Variants in SDK1 observed in about 807,000 individuals in gnomAD.
SDK1 encodes the protein protein sidekick-1.
In SDK1, 157 loss-of-function variants were observed where a neutral mutation model predicts 245.5. The ratio of observed to expected loss-of-function variants is 0.64; its 90% CI spans 0.56 to 0.73. The LOEUF (loss-of-function observed/expected upper bound fraction) is 0.73, where lower values mean the gene tolerates loss of function less well. Ranked by LOEUF, SDK1 falls within the 30% of genes least tolerant of loss-of-function variation. The probability of loss-of-function intolerance (pLI) is 0.00; values close to 1 mark genes in which losing one functional copy is unlikely to be tolerated. For missense variants in SDK1, 3,583 were observed against 3,002.3 expected (o/e 1.19, Z -4.52); for synonymous variants, 1,647 against 1,278.5 (o/e 1.29, Z -6.15).
chr7:3,663,997 C>T (rs566062398), intron 4 of SDK1, among the ~76,000 whole-genome samples: 13 of 152,196 alleles, frequency 8.5e-5, no homozygotes, highest in South Asian at 4.2e-4. Flanking sequence ...AAGATATTTC[C>T]GGGCCCCTAA....
intron 17 of SDK1, among the ~76,000 whole-genome samples, chr7:4,040,937 A>G (rs1788585285): frequency 6.6e-6 from 1 of 152,120 alleles, no homozygotes; most frequent in Non-Finnish European, 1.5e-5. Context: ...TTGCTTATCT[A>G]TGTCTGCAGC....
chr7:3,563,341 A>T (rs928666405), intron 1 of SDK1, among the ~76,000 whole-genome samples: 1 of 152,206 alleles, frequency 6.6e-6, no homozygotes, highest in Admixed American at 6.5e-5. Flanking sequence ...GGGGCGGAAA[A>T]ACAAGATACA....
chr7:3,702,555 C>A (rs1053976568), intron 4 of SDK1, among the ~76,000 whole-genome samples: 2 of 152,212 alleles, frequency 1.3e-5, no homozygotes, highest in African/African-American at 4.8e-5. Context: ...CAAACTGCTT[C>A]ATTCATACCT....
At chr7:3,347,968 T>A (rs937136978) in intron 1 of SDK1, among the ~76,000 whole-genome samples, 1 of 152,106 alleles carries the variant, frequency 6.6e-6, no homozygotes, top group African/African-American at 2.4e-5. Flanking sequence ...GTATTTTGCT[T>A]CCTAAGTACT....
chr7:3,818,930 G>A lies in SDK1; in HGVS notation c.714-2520G>A, dbSNP rs900575346. ...CTTGTGTTGCATGGCTGGATTGCAG[G>A]GGGAAGGCATGGTTGCCACGACAAA... On this transcript the variant is annotated intron_variant, in intron 4 of 44. Transcript: ENST00000404826. 3.9e-5 allele frequency among the ~76,000 whole-genome samples: 6 copies of A among 152,164 alleles called. No homozygotes were observed. In the South Asian group the frequency reaches 6.2e-4, roughly 16 times the overall value.
rs187071223 is a variant in SDK1, at chr7:3,503,677, C to G, written c.299-115403C>G. On this transcript the variant is annotated intron_variant, in intron 1 of 44. Coordinates refer to ENST00000404826, the MANE Select transcript of SDK1 (RefSeq NM_152744.4). The stretch of plus-strand genomic sequence containing the variant: ...GGGTGATAGAGCCAGACCTTCATAT[C>G]TTAAAAAAACAAAACAAAATGCATT... Among the ~76,000 whole-genome samples the G allele has an allele frequency of 2.0e-5, 3 of 150,436 alleles. No individual in the cohort carries two copies. In the South Asian group the frequency reaches 6.3e-4, roughly 32 times the overall value.
intron 1 of SDK1, among the ~76,000 whole-genome samples, chr7:3,537,483 C>T (rs574430306): frequency 6.6e-6 from 1 of 152,194 alleles, no homozygotes; most frequent in East Asian, 1.9e-4. Flanking sequence ...GACTGTAAAT[C>T]ACTTTGTCAC....
Position 3,950,917 on chromosome 7 carries a change from C to T in SDK1, c.848-6C>T. The T allele has an allele frequency of 6.2e-7, 1 of 1,608,940 alleles. No individual in the cohort carries two copies. The highest frequency in any genetic ancestry group is 1.1e-5 in the South Asian group (1 of 90,968). ...TTCATGGACATTTCTCTTTTCTCTG[C>T]CACAGGAGATGTTGGCACACCTGAA... On this transcript the variant is annotated splice_region_variant and splice_polypyrimidine_tract_variant and intron_variant, in intron 5 of 44. Coordinates refer to ENST00000404826, the MANE Select transcript of SDK1 (RefSeq NM_152744.4).
intron 1 of SDK1, among the ~76,000 whole-genome samples, chr7:3,322,832 T>TTGTCTC (rs1028026791): frequency 8.1e-4 from 123 of 152,236 alleles, no homozygotes; most frequent in African/African-American, 2.8e-3. Context: ...CCATAAGACC[T>TTGTCTC]TGTCTCTGTC....
intron 40 of SDK1, among the ~76,000 whole-genome samples, chr7:4,224,973 A>C (rs1785336745): frequency 8.7e-6 from 1 of 114,646 alleles, no homozygotes. Context: ...ACAGAGTGAG[A>C]CTCTGTCTCA....
At chr7:3,416,058 A>G (rs959751111) in intron 1 of SDK1, among the ~76,000 whole-genome samples, 4 of 152,184 alleles carry the variant, frequency 2.6e-5, no homozygotes, top group Non-Finnish European at 5.9e-5. Context: ...AGCAGGATAA[A>G]AGAGGTCTTT....
At chr7:4,031,721 A>G (rs888685564) in intron 17 of SDK1, among the ~76,000 whole-genome samples, 5 of 150,822 alleles carry the variant, frequency 3.3e-5, no homozygotes, top group African/African-American at 7.3e-5. Context: ...TTTATTGATT[A>G]TATCAATAAA....
At chr7:3,495,253 T>C (rs77130258) in intron 1 of SDK1, among the ~76,000 whole-genome samples, 3 of 55,702 alleles carry the variant, frequency 5.4e-5, no homozygotes, top group Non-Finnish European at 1.0e-4. Flanking sequence ...ATAATGGTTC[T>C]TTTTTTTTTT....
chr7:4,255,914 C>CTT (rs34810935), intron 44 of SDK1, among the ~76,000 whole-genome samples: 5,325 of 104,006 alleles, frequency 0.051, 466 homozygotes, highest in African/African-American at 0.2. Context: ...TTTCCAAATA[C>CTT]TTTTTTTTTT....
intron 1 of SDK1, among the ~76,000 whole-genome samples, chr7:3,303,869 G>T (rs910958412): frequency 1.3e-5 from 2 of 152,190 alleles, no homozygotes; most frequent in African/African-American, 4.8e-5. Flanking sequence ...CTGATGGGAT[G>T]ATGAGTTGGT....
At chr7:3,633,178 C>G (rs1583250600) in intron 2 of SDK1, among the ~76,000 whole-genome samples, 1 of 151,772 alleles carries the variant, frequency 6.6e-6, no homozygotes, top group East Asian at 1.9e-4. Context: ...TATTTTCATA[C>G]CAGCATAAAA....
At chr7:3,952,537 C>A (rs749606839) in intron 7 of SDK1, among the ~76,000 whole-genome samples, 2 of 152,028 alleles carry the variant, frequency 1.3e-5, no homozygotes, top group East Asian at 3.9e-4. Flanking sequence ...GAGCCAAGAT[C>A]GCATCATTGC....
chr7:3,677,800 A>G (rs531282498), intron 4 of SDK1, among the ~76,000 whole-genome samples: 95 of 152,376 alleles, frequency 6.2e-4, no homozygotes, highest in South Asian at 1.2e-3. Flanking sequence ...GGATAGACAC[A>G]TAGTTCAGTG....
rs1780346552 is a variant in SDK1, at chr7:3,446,539, C to G, written c.298+144655C>G. 5.3e-5 allele frequency among the ~76,000 whole-genome samples: 8 copies of G among 152,130 alleles called. No homozygotes were observed. The South Asian group carries it at 1.7e-3, about 32-fold the overall frequency. ...ACACTGTGTAAGAGCCACGAAACTTCCTTGCAGAAGCTGTATCATGCTAAA... is the reference window on the plus strand; with the variant it reads ...ACACTGTGTAAGAGCCACGAAACTTGCTTGCAGAAGCTGTATCATGCTAAA... On this transcript the variant is annotated intron_variant, in intron 1 of 44. Transcript: ENST00000404826.
Sources: gnomAD v4.1 joint callset for allele counts (sites outside exome capture counted in the v4.1 genomes callset) on GRCh38, gnomAD v4.1.1 for gene constraint, MANE v1.5 for transcripts, NCBI Gene and HGNC (gene_info 2026-07-23, HGNC 2026-07-21) for gene names.